SIAH3: variants seen among roughly 807,000 people sequenced by gnomAD.
The protein encoded by SIAH3 is seven in absentia homolog 3.
A neutral mutation model predicts 12.6 loss-of-function variants in SIAH3; 9 were observed. The observed-to-expected ratio is 0.72, with a 90% CI of 0.43 to 1.25. The LOEUF (loss-of-function observed/expected upper bound fraction) is 1.25. Ranked by LOEUF, SIAH3 falls within the 50% of genes most tolerant of loss-of-function variation. The pLI is 0.00. For missense variants in SIAH3, 390 were observed against 365.4 expected, an observed-to-expected ratio of 1.07 and a Z score of -0.55; for synonymous variants, 154 against 151.1, an observed-to-expected ratio of 1.02 and a Z score of -0.14.
At chr13:45,822,355 G>A (rs1950658723) in intron 1 of SIAH3, among the ~76,000 whole-genome samples, 1 of 151,696 alleles carries the variant, frequency 6.6e-6, no homozygotes, top group Non-Finnish European at 1.5e-5. Flanking sequence ...TCCAAGTATA[G>A]TAAGACAGTA....
At chr13:45,821,565 A>T (rs2137570595) in intron 1 of SIAH3, among the ~76,000 whole-genome samples, 1 of 152,338 alleles carries the variant, frequency 6.6e-6, no homozygotes, top group South Asian at 2.1e-4. Context: ...CATCAAAAAA[A>T]TTTGGTGTCA....
At chr13:45,828,940 A>AT (rs56777756) in intron 1 of SIAH3, among the ~76,000 whole-genome samples, 39,776 of 149,188 alleles carry the variant, frequency 0.27, 6,127 homozygotes, top group Admixed American at 0.4. Flanking sequence ...AATTAACTCT[A>AT]TTTTTTTTTT....
At chr13:45,813,882 C>T (rs1272758262) in intron 1 of SIAH3, among the ~76,000 whole-genome samples, 1 of 152,100 alleles carries the variant, frequency 6.6e-6, no homozygotes, top group Non-Finnish European at 1.5e-5. Context: ...CCCAAAGCCC[C>T]ACCTCTTAAA....
rs36106322 is a variant in SIAH3, at chr13:45,822,520, A to AATATATATATATATATATATAT, written c.135+28953_135+28974dup. On this transcript the variant is annotated intron_variant, in intron 1 of 1. Transcript: ENST00000400405. ...AAGTGAGCTAACATTTTCATTATCA[A>AATATATATATATATATATATAT]ATATATATATATATATATATATATA... Among the ~76,000 whole-genome samples, 219 of 85,362 alleles carry AATATATATATATATATATATAT rather than the reference A, an allele frequency of 2.6e-3. 8 individuals are homozygous for AATATATATATATATATATATAT. The highest frequency in any genetic ancestry group is 5.5e-3 in the Middle Eastern group (1 of 182). 56.0% of individuals were successfully genotyped at this position (85,362 alleles called of 152,430 possible).
At chr13:45,816,559 C>T (rs534057458) in intron 1 of SIAH3, among the ~76,000 whole-genome samples, 4 of 152,314 alleles carry the variant, frequency 2.6e-5, no homozygotes, top group Admixed American at 6.5e-5. Context: ...GTCAACATAG[C>T]GCTCCCAACT....
At chr13:45,831,372 C>T (rs1950698613) in intron 1 of SIAH3, among the ~76,000 whole-genome samples, 2 of 151,922 alleles carry the variant, frequency 1.3e-5, no homozygotes, top group African/African-American at 4.8e-5. Flanking sequence ...TTGAGGGAGG[C>T]ACTAAGGCTT....
chr13:45,846,926 A>G (rs1374821199), intron 1 of SIAH3, among the ~76,000 whole-genome samples: 4 of 152,242 alleles, frequency 2.6e-5, no homozygotes, highest in Admixed American at 6.5e-5. Flanking sequence ...GAAAAGCCGC[A>G]CGAATGCTCT....
rs112057438 is a variant in SIAH3 at position 45,810,942 on chromosome 13, G to T, written c.136-26885C>A. Among the ~76,000 whole-genome samples the T allele has an allele frequency of 1.9e-3, 285 of 152,284 alleles. 3 individuals carry two copies. The highest frequency in any genetic ancestry group is 3.2e-3 in the Non-Finnish European group (218 of 68,026). ...TACTGCTTGCATACCCATATCTGTT[G>T]GTTGGCTTCCATGGACATGTGGTTG... is the stretch of plus-strand genomic sequence containing the variant. On this transcript the variant is annotated intron_variant, in intron 1 of 1. Coordinates refer to ENST00000400405, the MANE Select transcript of SIAH3 (RefSeq NM_198849.3).
intron 1 of SIAH3, among the ~76,000 whole-genome samples, chr13:45,790,436 C>T (rs1209269225): frequency 6.6e-6 from 1 of 152,028 alleles, no homozygotes; most frequent in Non-Finnish European, 1.5e-5. Context: ...ACATATTTGC[C>T]AGCCACAAGG....
intron 1 of SIAH3, among the ~76,000 whole-genome samples, chr13:45,808,506 C>T (rs1477091013): frequency 2.0e-5 from 3 of 152,170 alleles, no homozygotes; most frequent in Non-Finnish European, 1.5e-5. Context: ...CCAACATAGT[C>T]TAATTTTGTT....
At chr13:45,829,251 CT>C (rs974579578) in intron 1 of SIAH3, among the ~76,000 whole-genome samples, 19 of 152,192 alleles carry the variant, frequency 1.2e-4, no homozygotes, top group Admixed American at 4.6e-4. Flanking sequence ...TTAATCTCAA[CT>C]GTGCAGCTTG....
intron 1 of SIAH3, among the ~76,000 whole-genome samples, chr13:45,804,493 C>T (rs12872781): frequency 0.35 from 53,137 of 151,852 alleles, 9,762 homozygotes; most frequent in Non-Finnish European, 0.39. Flanking sequence ...AATTAGATAG[C>T]GGTAATGGTT....
At chr13:45,788,763 C>T (rs766446028) in intron 1 of SIAH3, among the ~76,000 whole-genome samples, 1 of 152,206 alleles carries the variant, frequency 6.6e-6, no homozygotes, top group Non-Finnish European at 1.5e-5. Flanking sequence ...TTCCTTTCCA[C>T]TTACTTCCAG....
rs1188855187 is a variant in SIAH3 at position 45,851,699 on chromosome 13, G to A, written c.-70C>T. On this transcript the variant is annotated 5_prime_UTR_variant, in exon 1 of 2. Transcript: ENST00000400405. ...GCTGTGAGTCCTTGGGCCCTGGAAGGAGCGCAGCCTCTGAGACACTCCGCT... is the reference window on the plus strand; with the variant it reads ...GCTGTGAGTCCTTGGGCCCTGGAAGAAGCGCAGCCTCTGAGACACTCCGCT... 1 of 1,602,174 alleles carries A rather than the reference G, an allele frequency of 6.2e-7. No individual in the cohort carries two copies. Among genetic ancestry groups the A allele is most frequent in the African/African-American group, 1.3e-5 (1 of 74,696 alleles).
intron 1 of SIAH3, among the ~76,000 whole-genome samples, chr13:45,848,187 G>T (rs926861931): frequency 2.6e-5 from 4 of 152,232 alleles, no homozygotes; most frequent in Non-Finnish European, 1.5e-5. Context: ...GAAGCAGAGG[G>T]CAGCTGGCCA....
intron 1 of SIAH3, among the ~76,000 whole-genome samples, chr13:45,828,216 G>A (rs9316167): frequency 6.6e-6 from 1 of 152,108 alleles, no homozygotes; most frequent in Non-Finnish European, 1.5e-5. Context: ...CTCTGTGAAG[G>A]TTTCTTCTCC....
intron 1 of SIAH3, among the ~76,000 whole-genome samples, chr13:45,793,482 G>T (rs1041470039): frequency 6.6e-6 from 1 of 152,154 alleles, no homozygotes; most frequent in African/African-American, 2.4e-5. Context: ...CTTATAACAT[G>T]CAACAAACTT....
chr13:45,846,144 C>A (rs561562511), intron 1 of SIAH3, among the ~76,000 whole-genome samples: 2 of 120,244 alleles, frequency 1.7e-5, no homozygotes, highest in African/African-American at 6.6e-5. Context: ...GGCTGGAGTA[C>A]AGTGGTGTGA....
intron 1 of SIAH3, among the ~76,000 whole-genome samples, chr13:45,805,005 CACACAA>C (rs1455337855): frequency 4.4e-3 from 611 of 138,012 alleles, no homozygotes; most frequent in African/African-American, 6.8e-3. Context: ...CACACACACA[CACACAA>C]AATACTTTGG....
Sources: allele counts gnomAD v4.1 joint callset (sites outside exome capture counted in the v4.1 genomes callset), GRCh38; gene constraint gnomAD v4.1.1; transcripts MANE v1.5; gene names NCBI Gene and HGNC (gene_info 2026-07-23, HGNC 2026-07-21).